ADA2: variants seen among roughly 807,000 people sequenced by gnomAD.
ADA2 encodes adenosine deaminase 2, also known as adenosine deaminase CECR1.
ADA2 carries 29 observed loss-of-function variants against 44.2 expected under a neutral mutation model. That is an observed-to-expected ratio of 0.66 (90% CI 0.49 to 0.89). ADA2 has a LOEUF of 0.89. Among genes scored for constraint, ADA2 ranks in the 40% least tolerant of loss-of-function variants. The probability of loss-of-function intolerance (pLI) is 0.00; values close to 1 mark genes in which losing one functional copy is unlikely to be tolerated. For synonymous variants in ADA2, 215 were observed against 234.9 expected, an observed-to-expected ratio of 0.92 and a Z score of 0.77; for missense variants, 637 against 644.8, an observed-to-expected ratio of 0.99 and a Z score of 0.13.
At position 17,207,326 on chromosome 22, in the gene ADA2, T is replaced by C. The variant is rs749938929; in HGVS notation, c.323-36A>G. On this transcript the variant is annotated intron_variant, in intron 2 of 9. Transcript: ENST00000399837. ...AAGAAGAATGGTGAAGACAAAGGGG[T>C]GAAGTCCCATCCCAGGACTCCAGGG... is the stretch of plus-strand genomic sequence containing the variant. The C allele has an allele frequency of 8.1e-6, 12 of 1,483,056 alleles. No individual in the cohort carries two copies. In the East Asian group the frequency reaches 2.7e-4, roughly 34 times the overall value. 91.9% of individuals were successfully genotyped at this position (1,483,056 alleles called of 1,614,324 possible).
At chr22:17,186,134 C>T (rs112012342) in intron 7 of ADA2, among the ~76,000 whole-genome samples, 7 of 152,258 alleles carry the variant, frequency 4.6e-5, no homozygotes, top group African/African-American at 1.4e-4. Flanking sequence ...TACGATAATG[C>T]GGGACAGAAC....
At chr22:17,205,355 C>T (rs1403925987) in intron 3 of ADA2, among the ~76,000 whole-genome samples, 3 of 152,072 alleles carry the variant, frequency 2.0e-5, no homozygotes, top group Admixed American at 2.0e-4. Flanking sequence ...TGCAAGTGAT[C>T]CTCCCACCTC....
intron 2 of ADA2, among the ~76,000 whole-genome samples, chr22:17,208,317 G>A (rs564690668): frequency 2.7e-5 from 4 of 150,824 alleles, no homozygotes; most frequent in East Asian, 3.9e-4. Flanking sequence ...CCAGCTACTC[G>A]GGAGGCTGAG....
intron 5 of ADA2, among the ~76,000 whole-genome samples, chr22:17,191,329 A>G (rs1738847558): frequency 6.6e-6 from 1 of 152,208 alleles, no homozygotes; most frequent in African/African-American, 2.4e-5. Flanking sequence ...GGCAAATTGA[A>G]ACCAAAAACG....
intron 4 of ADA2, chr22:17,193,253 A>G (rs1393062934): frequency 2.3e-5 from 20 of 852,368 alleles, no homozygotes; most frequent in Admixed American, 5.4e-5. Context: ...AGAGCTGCCC[A>G]GCTGGTCATC....
Position 17,204,619 on chromosome 22 carries a change from AAAG to A in ADA2, c.543-849_543-847del, listed in dbSNP as rs200501653. 1.6e-3 allele frequency among the ~76,000 whole-genome samples: 248 copies of A among 151,818 alleles called. 2 individuals are homozygous for A. In the East Asian group the frequency reaches 0.032, roughly 20 times the overall value. ...AGCAAGACTCATCTCAAAAAAAAAAAAAGAAGAAGAAGAAGAGACCGCAGGAGT... is the reference window on the plus strand; with the variant it reads ...AGCAAGACTCATCTCAAAAAAAAAAAAAGAAGAAGAAGAGACCGCAGGAGT... On this transcript the variant is annotated intron_variant, in intron 3 of 9. Coordinates refer to ENST00000399837, the MANE Select transcript of ADA2 (RefSeq NM_001282225.2).
At chr22:17,213,171 C>T (rs5994205) in intron 1 of ADA2, among the ~76,000 whole-genome samples, 3,207 of 152,122 alleles carry the variant, frequency 0.021, 107 homozygotes, top group African/African-American at 0.072. Context: ...ATGGCTATTA[C>T]TTAAAAGGCA....
intron 3 of ADA2, 39 bp from the exon 4 acceptor site, chr22:17,203,812 TC>T: frequency 7.0e-7 from 1 of 1,428,864 alleles, no homozygotes; most frequent in Non-Finnish European, 9.8e-7. Context: ...AGAGGCATGA[TC>T]CAGGACACTG....
At chr22:17,205,058 C>T (rs1290082061) in intron 3 of ADA2, among the ~76,000 whole-genome samples, 2 of 151,910 alleles carry the variant, frequency 1.3e-5, no homozygotes, top group Non-Finnish European at 2.9e-5. Context: ...TGCTCTGTCG[C>T]CCAGGCTGGA....
intron 4 of ADA2, among the ~76,000 whole-genome samples, chr22:17,193,853 T>C (rs769959774): frequency 2.0e-5 from 3 of 151,140 alleles, no homozygotes; most frequent in Non-Finnish European, 4.4e-5. Context: ...ACAAGATAGC[T>C]GCCCTCAGGA....
At chr22:17,183,369 C>T (rs1249284955) in intron 7 of ADA2, among the ~76,000 whole-genome samples, 2 of 152,128 alleles carry the variant, frequency 1.3e-5, no homozygotes, top group East Asian at 1.9e-4. Flanking sequence ...AGGCGTGAGC[C>T]GCCGCACCTG....
At chr22:17,199,436 C>CCTCTTCCCCTCCCACCCCACCTAAAAA in intron 4 of ADA2, 1 of 1,000,784 alleles carries the variant, frequency 1.0e-6, no homozygotes, top group Non-Finnish European at 1.6e-6. Context: ...CCTCCTCTAT[C>CCTCTTCCCCTCCCACCCCACCTAAAAA]CTCTTCCCCT....
In ADA2 at chr22:17,179,771, A is replaced by G. The variant is rs974668682; in HGVS notation, c.*1712T>C. On this transcript the variant is annotated 3_prime_UTR_variant, in exon 10 of 10. Coordinates refer to ENST00000399837, the MANE Select transcript of ADA2 (RefSeq NM_001282225.2). ...CGGATGCTGTATGCCCTGTGGAGAC[A>G]TGGGGTGTACCTCTAAACGCACTGC... 1 of 152,262 alleles carries G rather than the reference A, an allele frequency of 6.6e-6. No homozygotes were observed. The highest frequency in any genetic ancestry group is 2.1e-4 in the South Asian group (1 of 4,828). 9.4% of individuals were successfully genotyped at this position (152,262 alleles called of 1,614,324 possible).
chr22:17,186,996 C>G (rs1171687460), intron 7 of ADA2, among the ~76,000 whole-genome samples: 2 of 151,810 alleles, frequency 1.3e-5, no homozygotes, highest in African/African-American at 4.8e-5. Flanking sequence ...GAAACCTCGT[C>G]TCTACTAAAA....
rs773636643 is a variant in ADA2 at position 17,209,706 on chromosome 22, G to A, written c.-29C>T. 2 of 1,586,220 alleles carry A rather than the reference G, an allele frequency of 1.3e-6. No individual in the cohort carries two copies. Among genetic ancestry groups the A allele is most frequent in the South Asian group, 2.2e-5 (2 of 89,906 alleles). ...GATGCCTGGACTAGGAAAGGGCTCAGATGGAGACTCCACGGGACTGCAAAG... is the reference window on the plus strand; with the variant it reads ...GATGCCTGGACTAGGAAAGGGCTCAAATGGAGACTCCACGGGACTGCAAAG... On this transcript the variant is annotated 5_prime_UTR_variant, in exon 2 of 10. Transcript: ENST00000399837.
intron 1 of ADA2, among the ~76,000 whole-genome samples, chr22:17,214,384 C>A (rs1376166655): frequency 6.6e-6 from 1 of 152,190 alleles, no homozygotes; most frequent in African/African-American, 2.4e-5. Flanking sequence ...AAGATACACC[C>A]TTTTAGTTCG....
At chr22:17,208,592 C>T (rs1237018450) in intron 2 of ADA2, among the ~76,000 whole-genome samples, 1 of 151,842 alleles carries the variant, frequency 6.6e-6, no homozygotes, top group Non-Finnish European at 1.5e-5. Context: ...TGCCTGAGCT[C>T]AGGTGTTCGA....
chr22:17,195,533 A>AG (rs560065724), intron 4 of ADA2, among the ~76,000 whole-genome samples: 1 of 151,638 alleles, frequency 6.6e-6, no homozygotes, highest in South Asian at 2.1e-4. Context: ...CGTCTCAAAA[A>AG]AAAACAAAAC....
intron 3 of ADA2, among the ~76,000 whole-genome samples, chr22:17,205,210 G>A (rs1304993266): frequency 6.6e-6 from 1 of 152,054 alleles, no homozygotes; most frequent in Non-Finnish European, 1.5e-5. Flanking sequence ...AGTAGAGACA[G>A]GGTTTCACCA....
Sources: allele counts gnomAD v4.1 joint callset (sites outside exome capture counted in the v4.1 genomes callset), GRCh38; gene constraint gnomAD v4.1.1; transcripts MANE v1.5; gene names NCBI Gene and HGNC (gene_info 2026-07-23, HGNC 2026-07-21).